The following SMAD3 variants were observed in gnomAD, a reference collection of about 807,000 sequenced individuals.
SMAD3 encodes SMAD family member 3, also known as MAD homolog 3.
A neutral mutation model predicts 51.8 loss-of-function variants in SMAD3; 12 were observed. The observed-to-expected ratio is 0.23, with a 90% CI of 0.15 to 0.38. The LOEUF (loss-of-function observed/expected upper bound fraction) is 0.38, where lower values mean the gene tolerates loss of function less well. Ranked by LOEUF, SMAD3 falls within the 10% of genes least tolerant of loss-of-function variation. The pLI, the probability that SMAD3 is intolerant of heterozygous loss-of-function variation, is 1.00. For missense variants in SMAD3, 294 were observed against 565.6 expected (o/e 0.52, Z 4.87); for synonymous variants, 238 against 227.7 (o/e 1.05, Z -0.41).
At chr15:67,163,123 G>A (rs372782601) in intron 1 of SMAD3, among the ~76,000 whole-genome samples, 4 of 151,994 alleles carry the variant, frequency 2.6e-5, no homozygotes, top group African/African-American at 4.8e-5. Flanking sequence ...ACAGGCGCCC[G>A]CCACCATGCC....
Position 67,139,188 on chromosome 15 carries a change from G to A in SMAD3, c.207-25707G>A, listed in dbSNP as rs1189566609. ...ACTGTGGAAAAGAAGGGGGCTAGAGGGATTTAAGTTTACGTGGATCTTGAG... is the reference window on the plus strand; with the variant it reads ...ACTGTGGAAAAGAAGGGGGCTAGAGAGATTTAAGTTTACGTGGATCTTGAG... On this transcript the variant is annotated intron_variant, in intron 1 of 8. Transcript: ENST00000327367. 3.3e-5 allele frequency among the ~76,000 whole-genome samples: 5 copies of A among 152,240 alleles called. No homozygotes were observed. In the South Asian group the frequency reaches 8.3e-4, roughly 25 times the overall value.
chr15:67,067,441 A>G (rs1179528603), intron 1 of SMAD3, among the ~76,000 whole-genome samples: 2 of 152,072 alleles, frequency 1.3e-5, no homozygotes, highest in East Asian at 1.9e-4. Flanking sequence ...ACCAAGGGAG[A>G]GAGCGTGTGT....
chr15:67,136,271 G>C (rs140192210), intron 1 of SMAD3, among the ~76,000 whole-genome samples: 3,123 of 151,964 alleles, frequency 0.021, 121 homozygotes, highest in African/African-American at 0.071. Flanking sequence ...GCCATCTTGA[G>C]CTCCCAGGGT....
intron 1 of SMAD3, among the ~76,000 whole-genome samples, chr15:67,083,761 AT>A (rs1258835355): frequency 6.6e-6 from 1 of 152,168 alleles, no homozygotes; most frequent in African/African-American, 2.4e-5. Context: ...AATGTTTGCC[AT>A]TTCTTCTTCT....
At position 67,178,715 on chromosome 15, in the gene SMAD3, T is replaced by C. The variant is rs148005636; in HGVS notation, c.659-2526T>C. Among the ~76,000 whole-genome samples, 124 of 152,194 alleles carry C rather than the reference T, an allele frequency of 8.1e-4. 4 individuals are homozygous for C. In the East Asian group the frequency reaches 0.014, roughly 17 times the overall value. On this transcript the variant is annotated intron_variant, in intron 5 of 8. Coordinates refer to ENST00000327367, the MANE Select transcript of SMAD3 (RefSeq NM_005902.4). ...TTCCAAATCAACATAGCTCACATTTTAGTGACCACATTGTTTAGAATATAG... is the reference window on the plus strand; with the variant it reads ...TTCCAAATCAACATAGCTCACATTTCAGTGACCACATTGTTTAGAATATAG...
intron 1 of SMAD3, among the ~76,000 whole-genome samples, chr15:67,079,808 A>G (rs563370993): frequency 6.6e-6 from 1 of 152,322 alleles, no homozygotes; most frequent in South Asian, 2.1e-4. Context: ...CCCTCAAGAA[A>G]GGATGGCCAT....
chr15:67,170,304 C>T (rs1206568060), intron 4 of SMAD3, among the ~76,000 whole-genome samples: 1 of 152,156 alleles, frequency 6.6e-6, no homozygotes, highest in Non-Finnish European at 1.5e-5. Context: ...TATCTGAGAC[C>T]TCTGAGATCA....
intron 1 of SMAD3, chr15:67,143,042 C>T: frequency 4.7e-6 from 1 of 213,220 alleles, no homozygotes; most frequent in Non-Finnish European, 1.0e-5. Flanking sequence ...CTGTGATTCT[C>T]TAATGCCAGC....
In SMAD3 at chr15:67,149,733, G is replaced by A. The variant is rs1168014329; in HGVS notation, c.207-15162G>A. On this transcript the variant is annotated intron_variant, in intron 1 of 8. Transcript: ENST00000327367. ...AATTGGCCACTTAACTGTCCTCAGGGTACAGATGCCAGAATATACAGGGCA... is the reference window on the plus strand; with the variant it reads ...AATTGGCCACTTAACTGTCCTCAGGATACAGATGCCAGAATATACAGGGCA... Among the ~76,000 whole-genome samples the A allele has an allele frequency of 2.0e-5, 3 of 152,114 alleles. No homozygotes were observed. The South Asian group carries it at 6.2e-4, about 31-fold the overall frequency.
chr15:67,165,400 G>A lies in SMAD3; in HGVS notation c.532+16G>A, dbSNP rs1595942399. 6.2e-7 allele frequency: 1 copy of A among 1,613,486 alleles called. No individual in the cohort carries two copies. The highest frequency in any genetic ancestry group is 1.1e-5 in the South Asian group (1 of 91,018). ...AATATTCCAGGTAGGCACGTGGGCGGCACAGGCTGGCCTGGGAGGCAGGGG... is the reference window on the plus strand; with the variant it reads ...AATATTCCAGGTAGGCACGTGGGCGACACAGGCTGGCCTGGGAGGCAGGGG... On this transcript the variant is annotated intron_variant, in intron 3 of 8. Transcript: ENST00000327367.
chr15:67,147,095 G>C (rs1269911871), intron 1 of SMAD3, among the ~76,000 whole-genome samples: 1 of 152,160 alleles, frequency 6.6e-6, no homozygotes, highest in South Asian at 2.1e-4. Flanking sequence ...CTTGTTTAAC[G>C]TTCCCCTCCA....
Position 67,193,323 on chromosome 15 carries a change from C to T in SMAD3, c.*2787C>T. On this transcript the variant is annotated 3_prime_UTR_variant, in exon 9 of 9. Transcript: ENST00000327367. Reference sequence around the variant, plus strand: ...TGCCCTGGGCTCCCCGCCATGACATCTTCACCTTGCAGCTTGTGCTGAGAC... The same window carrying T: ...TGCCCTGGGCTCCCCGCCATGACATTTTCACCTTGCAGCTTGTGCTGAGAC... The T allele has an allele frequency of 4.3e-6, 1 of 233,542 alleles. No individual in the cohort carries two copies. The highest frequency in any genetic ancestry group is 8.5e-6 in the Non-Finnish European group (1 of 118,086). 14.5% of individuals were successfully genotyped at this position (233,542 alleles called of 1,614,324 possible).
intron 1 of SMAD3, among the ~76,000 whole-genome samples, chr15:67,110,332 G>A (rs532122426): frequency 1.3e-5 from 2 of 152,290 alleles, no homozygotes; most frequent in East Asian, 3.9e-4. Flanking sequence ...TGGAGGAAAG[G>A]CCAGGAACTG....
At chr15:67,110,318 C>T (rs1490716655) in intron 1 of SMAD3, among the ~76,000 whole-genome samples, 1 of 152,170 alleles carries the variant, frequency 6.6e-6, no homozygotes, top group Non-Finnish European at 1.5e-5. Context: ...ACCACCTCTG[C>T]TGGTGGAGGA....
At chr15:67,111,415 C>T (rs1961011614) in intron 1 of SMAD3, among the ~76,000 whole-genome samples, 1 of 152,184 alleles carries the variant, frequency 6.6e-6, no homozygotes, top group Non-Finnish European at 1.5e-5. Flanking sequence ...GGGTTGTTTT[C>T]ACTTCTTGGC....
rs150994304 is a variant in SMAD3 at position 67,184,839 on chromosome 15, G to A, written c.984G>A (p.Pro328=). ...GTAACCAGCGCTATGGCTGGCACCC[G>A]GCCACCGTCTGCAAGATCCCACCAG... The part of the protein sequence containing the change: ...PNCNQRYGWH[P]ATVCKIPPGC... Residue 328 remains proline, a synonymous_variant, in exon 7 of 9, where the codon CCG becomes CCA. Coordinates refer to ENST00000327367, the MANE Select transcript of SMAD3 (RefSeq NM_005902.4). The A allele has an allele frequency of 9.9e-5, 160 of 1,613,160 alleles. No homozygotes were observed. Among genetic ancestry groups the A allele is most frequent in the Middle Eastern group, 1.9e-4 (1 of 5,340 alleles).
At chr15:67,122,788 C>T (rs1488006616) in intron 1 of SMAD3, among the ~76,000 whole-genome samples, 1 of 152,048 alleles carries the variant, frequency 6.6e-6, no homozygotes. Flanking sequence ...AAATCCTGGC[C>T]CCACCACTTG....
chr15:67,095,044 T>C (rs1019763745), intron 1 of SMAD3, among the ~76,000 whole-genome samples: 1 of 152,180 alleles, frequency 6.6e-6, no homozygotes, highest in Non-Finnish European at 1.5e-5. Flanking sequence ...AGTCAACATA[T>C]GTACAAGGCA....
intron 1 of SMAD3, among the ~76,000 whole-genome samples, chr15:67,124,468 A>G (rs768877082): frequency 2.0e-5 from 3 of 152,002 alleles, no homozygotes; most frequent in Non-Finnish European, 4.4e-5. Flanking sequence ...AAAATCTATT[A>G]TCTTTAGAGA....
Sources: allele counts gnomAD v4.1 joint callset (sites outside exome capture counted in the v4.1 genomes callset), GRCh38; gene constraint gnomAD v4.1.1; transcripts MANE v1.5; gene names NCBI Gene and HGNC (gene_info 2026-07-23, HGNC 2026-07-21).